The following FAM111B variants were observed in gnomAD, a reference collection of about 807,000 sequenced individuals.
The protein encoded by FAM111B is FAM111 trypsin like peptidase B.
In FAM111B, 1 loss-of-function variant was observed where a neutral mutation model predicts 2.8. The observed-to-expected ratio is 0.36, with a 90% CI of 0.13 to 1.70. The LOEUF (loss-of-function observed/expected upper bound fraction) is 1.70, where lower values mean the gene tolerates loss of function less well. Ranked by LOEUF, FAM111B falls within the 40% of genes most tolerant of loss-of-function variation. The probability of loss-of-function intolerance (pLI) is 0.35; values close to 1 mark genes in which losing one functional copy is unlikely to be tolerated. For synonymous variants in FAM111B, 297 were observed against 295.6 expected, an observed-to-expected ratio of 1.00 and a Z score of -0.05; for missense variants, 882 against 878.9, an observed-to-expected ratio of 1.00 and a Z score of -0.04.
intron 3 of FAM111B, among the ~76,000 whole-genome samples, chr11:59,118,353 AG>A (rs955837453): frequency 1.3e-5 from 2 of 152,076 alleles, no homozygotes; most frequent in African/African-American, 4.8e-5. Flanking sequence ...CTTGGTTCCA[AG>A]GGGGCTCCTG....
At position 59,109,922 on chromosome 11, in the gene FAM111B, A is replaced by G. The variant is rs116366772; in HGVS notation, c.81+216A>G. On this transcript the variant is annotated intron_variant, in intron 3 of 3. Coordinates refer to ENST00000343597, the MANE Select transcript of FAM111B (RefSeq NM_198947.4). ...CGTATGTTAAGACAACAAGATGACT[A>G]ACAAACAATATAGACACTTAAAGTC... 9.2e-4 allele frequency: 320 copies of G among 348,284 alleles called. 2 individuals carry two copies. The highest frequency in any genetic ancestry group is 6.3e-3 in the African/African-American group (303 of 47,784). The allele number at this position is 348,284 out of a possible 1,614,324, so 21.6% of individuals were successfully genotyped here.
At chr11:59,112,261 A>C (rs1859771615) in intron 3 of FAM111B, among the ~76,000 whole-genome samples, 1 of 152,322 alleles carries the variant, frequency 6.6e-6, no homozygotes, top group East Asian at 1.9e-4. Context: ...CATACACTGA[A>C]TCATACCCTT....
chr11:59,123,790 G>A (rs568926607), intron 3 of FAM111B, among the ~76,000 whole-genome samples: 1 of 152,066 alleles, frequency 6.6e-6, no homozygotes, highest in Non-Finnish European at 1.5e-5. Context: ...ATAATAGAGG[G>A]CTGTTTCTGA....
intron 1 of FAM111B, among the ~76,000 whole-genome samples, chr11:59,108,282 A>G (rs1294034065): frequency 6.6e-6 from 1 of 152,214 alleles, no homozygotes; most frequent in African/African-American, 2.4e-5. Flanking sequence ...AAGTTAGACT[A>G]TGACAGTTTT....
At position 59,125,718 on chromosome 11, in the gene FAM111B, G is replaced by GA. The variant is rs1860015789; in HGVS notation, c.1625dup (p.Asn542LysfsTer40). ...TGAGCCATGGCTTAAAGTGTCCAATGAAAATCTAGATTATGCCATTTTAAA... is the reference window on the plus strand; with the variant it reads ...TGAGCCATGGCTTAAAGTGTCCAATGAAAAATCTAGATTATGCCATTTTAAA... On this transcript the variant is annotated frameshift_variant, in exon 4 of 4. Coordinates refer to ENST00000343597, the MANE Select transcript of FAM111B (RefSeq NM_198947.4). LOFTEE classifies it low-confidence loss of function (END_TRUNC). The GA allele has an allele frequency of 3.1e-6, 5 of 1,613,744 alleles. No individual in the cohort carries two copies. The highest frequency in any genetic ancestry group is 4.2e-6 in the Non-Finnish European group (5 of 1,179,784).
In FAM111B at chr11:59,107,284, A is replaced by G. The variant is rs1259632707; in HGVS notation, c.-144A>G. The G allele has an allele frequency of 6.6e-6, 1 of 151,732 alleles. No individual in the cohort carries two copies. The highest frequency in any genetic ancestry group is 1.5e-5 in the Non-Finnish European group (1 of 68,052). The allele number at this position is 151,732 out of a possible 1,614,324, so 9.4% of individuals were successfully genotyped here. On this transcript the variant is annotated 5_prime_UTR_variant, in exon 1 of 4. Transcript: ENST00000343597. Reference sequence around the variant, plus strand: ...ACGGGCACTTGCACCGTGTGGACAGACTCTCCGGTTCTGTGAGTGGTTTTT... The same window carrying G: ...ACGGGCACTTGCACCGTGTGGACAGGCTCTCCGGTTCTGTGAGTGGTTTTT...
At chr11:59,110,130 A>G (rs568890740) in intron 3 of FAM111B, 4 of 152,558 alleles carry the variant, frequency 2.6e-5, no homozygotes, top group Admixed American at 1.3e-4. Flanking sequence ...TTATAGTTGC[A>G]GAAGTAATGG....
At chr11:59,121,543 C>G (rs964719584) in intron 3 of FAM111B, among the ~76,000 whole-genome samples, 6 of 152,246 alleles carry the variant, frequency 3.9e-5, no homozygotes, top group African/African-American at 1.4e-4. Flanking sequence ...ATGGCAATAT[C>G]TATTATAATA....
Position 59,123,560 on chromosome 11 carries a change from A to G in FAM111B, c.82-619A>G, listed in dbSNP as rs1030596104. ...CACACAAAAATGTTATGTTTGTAGGAAGTTTTGTCATATTTAGAATAAGAA... is the reference window on the plus strand; with the variant it reads ...CACACAAAAATGTTATGTTTGTAGGGAGTTTTGTCATATTTAGAATAAGAA... On this transcript the variant is annotated intron_variant, in intron 3 of 3. Coordinates refer to ENST00000343597, the MANE Select transcript of FAM111B (RefSeq NM_198947.4). Among the ~76,000 whole-genome samples, 43 of 152,194 alleles carry G rather than the reference A, an allele frequency of 2.8e-4. 1 individual carries two copies. The highest frequency in any genetic ancestry group is 7.9e-4 in the Admixed American group (12 of 15,280).
rs374678697 is a variant in FAM111B at position 59,115,779 on chromosome 11, C to T, written c.81+6073C>T. Among the ~76,000 whole-genome samples the T allele has an allele frequency of 1.6e-3, 243 of 152,238 alleles. 4 individuals are homozygous for T. The South Asian group carries it at 0.046, about 29-fold the overall frequency. ...TGGGGATTTTCACATTATAATGAGG[C>T]AAGCAATGAGGTAAAGTCCTGTGTG... On this transcript the variant is annotated intron_variant, in intron 3 of 3. Transcript: ENST00000343597.
Position 59,125,182 on chromosome 11 carries a change from C to T in FAM111B, c.1085C>T (p.Ser362Leu). The T allele has an allele frequency of 6.2e-7, 1 of 1,613,950 alleles. No homozygotes were observed. Among genetic ancestry groups the T allele is most frequent in the Non-Finnish European group, 8.5e-7 (1 of 1,179,874 alleles). ...CCCCGAAAATATAGGCAAATAAACTCACAAGTTAGACGGAGGCCGCATCTG... is the reference window on the plus strand; with the variant it reads ...CCCCGAAAATATAGGCAAATAAACTTACAAGTTAGACGGAGGCCGCATCTG... ...SLPRKYRQIN[S>L]QVRRRPHLGR... is the part of the protein sequence containing the mutation. Residue 362 changes from serine (S) to leucine (L), a missense_variant, in exon 4 of 4, where the codon TCA becomes TTA. Transcript: ENST00000343597.
At position 59,125,203 on chromosome 11, in the gene FAM111B, A is replaced by G; in HGVS notation, c.1106A>G (p.His369Arg). The G allele has an allele frequency of 6.2e-7, 1 of 1,614,022 alleles. No homozygotes were observed. The highest frequency in any genetic ancestry group is 1.1e-5 in the South Asian group (1 of 91,080). ...QINSQVRRRP[H>R]LGRRYAINLD... The stretch of plus-strand genomic sequence containing the variant: ...AACTCACAAGTTAGACGGAGGCCGC[A>G]TCTGGGTAGGCGGTATGCTATTAAT... Residue 369 changes from histidine (H) to arginine (R), a missense_variant, in exon 4 of 4, where the codon CAT becomes CGT. Transcript: ENST00000343597.
rs765869089 is a variant in FAM111B at position 59,126,368 on chromosome 11, C to G, written c.*66C>G. The stretch of plus-strand genomic sequence containing the variant: ...TGGCAAAGATTTCATGACAAAGACA[C>G]TTAAAGCAATTGCAACAAAAGTGAA... On this transcript the variant is annotated 3_prime_UTR_variant, in exon 4 of 4. Transcript: ENST00000343597. The G allele has an allele frequency of 1.5e-6, 2 of 1,345,704 alleles. No homozygotes were observed. The highest frequency in any genetic ancestry group is 2.9e-5 in the African/African-American group (2 of 68,110). 83.4% of individuals were successfully genotyped at this position (1,345,704 alleles called of 1,614,324 possible). A position where few individuals can be genotyped will look rare whatever the true frequency, so the allele number is the denominator to read the frequency against.
Position 59,127,258 on chromosome 11 carries a change from A to G in FAM111B, c.*956A>G, listed in dbSNP as rs1431758915. ...GAGGGTGGAGGGTGGGAGGAGGGTG[A>G]AGACTGAAAAACTGCCTATGGGGTA... On this transcript the variant is annotated 3_prime_UTR_variant, in exon 4 of 4. Coordinates refer to ENST00000343597, the MANE Select transcript of FAM111B (RefSeq NM_198947.4). The G allele has an allele frequency of 1.3e-5, 2 of 152,142 alleles. No individual in the cohort carries two copies. Among genetic ancestry groups the G allele is most frequent in the Admixed American group, 1.3e-4 (2 of 15,264 alleles). The allele number at this position is 152,142 out of a possible 1,614,324, so 9.4% of individuals were successfully genotyped here. A position where few individuals can be genotyped will look rare whatever the true frequency, so the allele number is the denominator to read the frequency against.
rs773236890 is a variant in FAM111B, at chr11:59,125,909, C to A, written c.1812C>A (p.Asn604Lys). Reference protein sequence around the residue: ...PLNERLKKYPNDCQDGLVDLY... With the variant: ...PLNERLKKYPKDCQDGLVDLY... ...ACGAACGATTGAAAAAATATCCAAA[C>A]GATTGTCAAGATGGGTTGGTAGATC... The change falls in exon 4 of 4, where the codon AAC (asparagine) becomes AAA (lysine). Residue 604 changes from asparagine to lysine, a missense_variant. Asn to Lys is a moderately conservative substitution (Grantham distance 94). Transcript: ENST00000343597. The A allele has an allele frequency of 5.0e-6, 8 of 1,613,650 alleles. No homozygotes were observed. The African/African-American group carries it at 9.4e-5, about 19-fold the overall frequency.
chr11:59,126,037 A>T lies in FAM111B; in HGVS notation c.1940A>T (p.Asp647Val), dbSNP rs201570106. 2 of 1,613,932 alleles carry T rather than the reference A, an allele frequency of 1.2e-6. No individual in the cohort carries two copies. Among genetic ancestry groups the T allele is most frequent in the African/African-American group, 1.3e-5 (1 of 75,034 alleles). ...CTTAGTTATGATACTTGTTTCTCTG[A>T]TGGGTCCTCAGGCTCCCCAGTGTTT... ...HTLSYDTCFS[D>V]GSSGSPVFNA... The change falls in exon 4 of 4, where the codon GAT becomes GTT. Residue 647 changes from aspartate to valine, a missense_variant. Transcript: ENST00000343597.
intron 1 of FAM111B, among the ~76,000 whole-genome samples, chr11:59,107,884 C>T (rs1353421259): frequency 6.6e-6 from 1 of 152,176 alleles, no homozygotes; most frequent in Non-Finnish European, 1.5e-5. Context: ...CTTCTAAGTT[C>T]GTTTCCCATC....
chr11:59,125,120 A>G lies in FAM111B; in HGVS notation c.1023A>G (p.Thr341=), dbSNP rs138673535. The G allele has an allele frequency of 8.5e-4, 1,369 of 1,613,878 alleles. 15 individuals are homozygous for G. In the African/African-American group the frequency reaches 0.016, roughly 19 times the overall value. ...ATATTAAAGATAAAACTCGCCAGACAATTCCCAGGATTAGAAATTATTACT... is the reference window on the plus strand; with the variant it reads ...ATATTAAAGATAAAACTCGCCAGACGATTCCCAGGATTAGAAATTATTACT... The part of the protein sequence containing the change: ...SHYIKDKTRQ[T]IPRIRNYYFC... The change falls in exon 4 of 4, where the codon ACA becomes ACG. Residue 341 remains threonine (T), a synonymous_variant. Coordinates refer to ENST00000343597, the MANE Select transcript of FAM111B (RefSeq NM_198947.4).
Position 59,124,166 on chromosome 11 carries a change from T to C in FAM111B, c.82-13T>C, listed in dbSNP as rs746249220. ...GTGATTCTTGTTAACCTCTTTAATCTTTCCTTTTTAAGGATACTGTCATGA... is the reference window on the plus strand; with the variant it reads ...GTGATTCTTGTTAACCTCTTTAATCCTTCCTTTTTAAGGATACTGTCATGA... On this transcript the variant is annotated splice_polypyrimidine_tract_variant and intron_variant, in intron 3 of 3. Coordinates refer to ENST00000343597, the MANE Select transcript of FAM111B (RefSeq NM_198947.4). The C allele has an allele frequency of 1.3e-5, 20 of 1,572,916 alleles. No homozygotes were observed. The Middle Eastern group carries it at 2.7e-3, about 215-fold the overall frequency.
Sources: gnomAD v4.1 joint callset for allele counts (sites outside exome capture counted in the v4.1 genomes callset) on GRCh38, gnomAD v4.1.1 for gene constraint, MANE v1.5 for transcripts, NCBI Gene and HGNC (gene_info 2026-07-23, HGNC 2026-07-21) for gene names.